The following PRRC1 variants were observed in gnomAD, a reference collection of about 807,000 sequenced individuals.
PRRC1 encodes the protein proline rich coiled-coil 1, also known as protein PRRC1.
Under a neutral mutation model 40.7 loss-of-function variants are expected in PRRC1, and 39 were observed. The observed-to-expected ratio is 0.96, with a 90% CI of 0.74 to 1.25. The LOEUF (loss-of-function observed/expected upper bound fraction) is 1.25, where lower values mean the gene tolerates loss of function less well. PRRC1 is among the 50% of genes most tolerant of loss of function. PRRC1 has a pLI of 0.00. For synonymous variants in PRRC1, 175 were observed against 193.3 expected (o/e 0.91, Z 0.79); for missense variants, 573 against 548.3 (o/e 1.05, Z -0.45).
rs993850223 is a variant in PRRC1, at chr5:127,517,676, G to C, written c.-121G>C. On this transcript the variant is annotated 5_prime_UTR_variant, in exon 1 of 9. Coordinates refer to ENST00000296666, the MANE Select transcript of PRRC1 (RefSeq NM_130809.5). ...GGGGACACGCCGAGGTAACTTCCAG[G>C]GTGCGCCTTCGTTGTCTTCTCCAAG... The C allele has an allele frequency of 6.6e-6, 1 of 151,920 alleles. No homozygotes were observed. Among genetic ancestry groups the C allele is most frequent in the African/African-American group, 2.4e-5 (1 of 41,394 alleles). The allele number at this position is 151,920 out of a possible 1,614,324, so 9.4% of individuals were successfully genotyped here.
In PRRC1 at chr5:127,533,918, A is replaced by G. The variant is rs1002511213; in HGVS notation, c.921+132A>G. The G allele has an allele frequency of 3.0e-5, 27 of 892,754 alleles. No homozygotes were observed. The African/African-American group carries it at 4.4e-4, about 15-fold the overall frequency. The allele number at this position is 892,754 out of a possible 1,614,324, so 55.3% of individuals were successfully genotyped here. On this transcript the variant is annotated intron_variant, in intron 6 of 8. Coordinates refer to ENST00000296666, the MANE Select transcript of PRRC1 (RefSeq NM_130809.5). The stretch of plus-strand genomic sequence containing the variant: ...AATAACAATGAACTTTGCTTTTAGT[A>G]GACAGCCCTATCGTATTATGAAGAT...
rs1272705822 is a variant in PRRC1, at chr5:127,554,587, C to CCTA, written c.*2672_*2674dup. 1 of 152,252 alleles carries CCTA rather than the reference C, an allele frequency of 6.6e-6. No homozygotes were observed. Among genetic ancestry groups the CCTA allele is most frequent in the African/African-American group, 2.4e-5 (1 of 41,424 alleles). 9.4% of individuals were successfully genotyped at this position (152,252 alleles called of 1,614,324 possible). ...GTTAGGTTTTTGAGACAACCCTAGA[C>CCTA]CTAAACTGTGTCACAGACTTCTGAA... On this transcript the variant is annotated 3_prime_UTR_variant, in exon 9 of 9. Transcript: ENST00000296666.
intron 1 of PRRC1, among the ~76,000 whole-genome samples, chr5:127,519,527 A>G (rs974525053): frequency 2.0e-5 from 3 of 152,238 alleles, no homozygotes; most frequent in Non-Finnish European, 2.9e-5. Context: ...GCTTCTCTGC[A>G]GCATTAATAC....
rs1201255817 is a variant in PRRC1, at chr5:127,552,376, G to C, written c.*460G>C. 2 of 1,005,154 alleles carry C rather than the reference G, an allele frequency of 2.0e-6. No homozygotes were observed. Among genetic ancestry groups the C allele is most frequent in the South Asian group, 8.4e-5 (2 of 23,836 alleles). The allele number at this position is 1,005,154 out of a possible 1,614,324, so 62.3% of individuals were successfully genotyped here. ...TTTTGTATGTGCACACGATCTCAGG[G>C]CTGGTGCTGAGCAGCCTGCTCAACA... On this transcript the variant is annotated 3_prime_UTR_variant, in exon 9 of 9. Transcript: ENST00000296666.
intron 7 of PRRC1, among the ~76,000 whole-genome samples, chr5:127,544,657 A>G (rs1768160534): frequency 6.6e-6 from 1 of 152,028 alleles, no homozygotes; most frequent in Non-Finnish European, 1.5e-5. Context: ...AATCAGCGGG[A>G]CTCCGTGGGC....
intron 7 of PRRC1, among the ~76,000 whole-genome samples, chr5:127,539,418 TTGGTGTGGATATAATTGACCA>T (rs1767981108): frequency 6.6e-6 from 1 of 152,024 alleles, no homozygotes; most frequent in African/African-American, 2.4e-5. Context: ...GATGATAGAT[TTGGTGTGGATATAATTGACCA>T]TGAGTAGCAA....
chr5:127,538,622 T>C (rs1410516628), intron 6 of PRRC1, among the ~76,000 whole-genome samples: 3 of 152,166 alleles, frequency 2.0e-5, no homozygotes, highest in Admixed American at 1.3e-4. Flanking sequence ...ATTATTGATA[T>C]GATTGCCTAC....
intron 8 of PRRC1, chr5:127,550,401 G>C (rs759203937): frequency 7.9e-5 from 12 of 151,756 alleles, no homozygotes; most frequent in Non-Finnish European, 1.5e-5. Context: ...AGCCCTTCAG[G>C]TAATTAGAAT....
intron 1 of PRRC1, among the ~76,000 whole-genome samples, chr5:127,520,591 G>A (rs77559329): frequency 0.014 from 2,127 of 152,310 alleles, 28 homozygotes; most frequent in East Asian, 0.039. Context: ...TTCGATTTAT[G>A]TAACATTCAT....
Position 127,524,523 on chromosome 5 carries a change from T to C in PRRC1, c.104-8T>C. 4 of 1,587,458 alleles carry C rather than the reference T, an allele frequency of 2.5e-6. No individual in the cohort carries two copies. The highest frequency in any genetic ancestry group is 3.4e-6 in the Non-Finnish European group (4 of 1,164,602). ...TTCTGTGCTTTTATCCTCTCCACTT[T>C]TTTCTAGCGGCAACCAGTTCTTTTT... On this transcript the variant is annotated splice_polypyrimidine_tract_variant and splice_region_variant and intron_variant, in intron 2 of 8. Coordinates refer to ENST00000296666, the MANE Select transcript of PRRC1 (RefSeq NM_130809.5).
In PRRC1 at chr5:127,552,350, C is replaced by T. The variant is rs902759851; in HGVS notation, c.*434C>T. 1.9e-5 allele frequency: 19 copies of T among 1,017,148 alleles called. No individual in the cohort carries two copies. The African/African-American group carries it at 3.3e-4, about 18-fold the overall frequency. 63.0% of individuals were successfully genotyped at this position (1,017,148 alleles called of 1,614,324 possible). ...TCTCTTTTCTGTCAGTCTTTGACTA[C>T]TTTTGTATGTGCACACGATCTCAGG... On this transcript the variant is annotated 3_prime_UTR_variant, in exon 9 of 9. Transcript: ENST00000296666.
chr5:127,522,713 G>C (rs1040818258), intron 1 of PRRC1, among the ~76,000 whole-genome samples: 3 of 151,650 alleles, frequency 2.0e-5, no homozygotes, highest in Admixed American at 6.6e-5. Context: ...TATGTTAATG[G>C]GGTTATCTTA....
chr5:127,552,970 G>A lies in PRRC1; in HGVS notation c.*1054G>A, dbSNP rs1332797890. 6 of 828,500 alleles carry A rather than the reference G, an allele frequency of 7.2e-6. No individual in the cohort carries two copies. Among genetic ancestry groups the A allele is most frequent in the African/African-American group, 1.9e-5 (1 of 53,964 alleles). The allele number at this position is 828,500 out of a possible 1,614,324, so 51.3% of individuals were successfully genotyped here. On this transcript the variant is annotated 3_prime_UTR_variant, in exon 9 of 9. Transcript: ENST00000296666. The stretch of plus-strand genomic sequence containing the variant: ...ATTTAGTCTACTGTATTTCTATTTC[G>A]TGGAAGCCTTTTCCCCTCAAATAAT...
intron 7 of PRRC1, among the ~76,000 whole-genome samples, chr5:127,545,755 T>G (rs1448834277): frequency 6.6e-6 from 1 of 151,670 alleles, no homozygotes; most frequent in Non-Finnish European, 1.5e-5. Flanking sequence ...ATTGTGCACA[T>G]GTACCCTAAA....
chr5:127,523,558 A>G lies in PRRC1; in HGVS notation c.79A>G (p.Met27Val), dbSNP rs779497661. Residue 27 changes from methionine (M) to valine (V), a missense_variant, in exon 2 of 9, where the codon ATG becomes GTG. Met to Val is a conservative substitution (Grantham distance 21, BLOSUM62 1). Transcript: ENST00000296666. Reference sequence around the variant, plus strand: ...TCCTGCAGGGCTGGCTGCTACTGCTATGTCTTCTACCCCTGTTCCATTAGG... The same window carrying G: ...TCCTGCAGGGCTGGCTGCTACTGCTGTGTCTTCTACCCCTGTTCCATTAGG... ...PNPAGLAATAMSSTPVPLAAT... is the reference protein window; with the variant it reads ...PNPAGLAATAVSSTPVPLAAT... The G allele has an allele frequency of 1.9e-5, 31 of 1,612,554 alleles. No individual in the cohort carries two copies. The East Asian group carries it at 2.2e-4, about 12-fold the overall frequency.
chr5:127,542,890 G>A (rs1160064132), intron 7 of PRRC1, among the ~76,000 whole-genome samples: 1 of 152,062 alleles, frequency 6.6e-6, no homozygotes, highest in African/African-American at 2.4e-5. Flanking sequence ...AGTTAATATT[G>A]TTATGTGTGA....
intron 1 of PRRC1, among the ~76,000 whole-genome samples, chr5:127,522,335 G>A (rs1268507999): frequency 1.3e-5 from 2 of 152,122 alleles, no homozygotes; most frequent in Non-Finnish European, 2.9e-5. Context: ...TACTGGATAT[G>A]CTTTAAAATG....
intron 5 of PRRC1, among the ~76,000 whole-genome samples, chr5:127,532,149 G>A (rs1251492463): frequency 1.4e-5 from 2 of 146,146 alleles, no homozygotes; most frequent in Non-Finnish European, 3.0e-5. Context: ...TCACTCTACC[G>A]CCAGGCTGGA....
chr5:127,534,088 A>T (rs555116415), intron 6 of PRRC1, among the ~76,000 whole-genome samples: 1 of 152,208 alleles, frequency 6.6e-6, no homozygotes, highest in Non-Finnish European at 1.5e-5. Context: ...AATTACTGAG[A>T]TGATAATATC....
Sources: allele counts gnomAD v4.1 joint callset (sites outside exome capture counted in the v4.1 genomes callset), GRCh38; gene constraint gnomAD v4.1.1; transcripts MANE v1.5; gene names NCBI Gene and HGNC (gene_info 2026-07-23, HGNC 2026-07-21).